CHAT: variants seen among roughly 807,000 people sequenced by gnomAD.
CHAT encodes acetyl CoA:choline O-acetyltransferase.
CHAT carries 61 observed loss-of-function variants against 76.9 expected under a neutral mutation model. The observed-to-expected ratio is 0.79, with a 90% CI of 0.65 to 0.98. The LOEUF (loss-of-function observed/expected upper bound fraction) is 0.98. CHAT is among the 50% of genes least tolerant of loss of function. The pLI is 0.00. For missense variants in CHAT, 946 were observed against 986.9 expected (o/e 0.96, Z 0.56); for synonymous variants, 407 against 397.4 (o/e 1.02, Z -0.29).
chr10:49,634,218 A>G (rs17784350), intron 7 of CHAT, among the ~76,000 whole-genome samples: 6,429 of 152,296 alleles, frequency 0.042, 288 homozygotes, highest in East Asian at 0.26. Flanking sequence ...GCCTGCCCTT[A>G]ACCTACCACG....
At chr10:49,639,074 A>G (rs1357050815) in intron 7 of CHAT, among the ~76,000 whole-genome samples, 1 of 152,120 alleles carries the variant, frequency 6.6e-6, no homozygotes, top group Non-Finnish European at 1.5e-5. Context: ...GTCTCTACTA[A>G]TAATACAAAA....
chr10:49,614,974 G>A (rs960965489), intron 1 of CHAT, among the ~76,000 whole-genome samples: 2 of 148,334 alleles, frequency 1.3e-5, no homozygotes, highest in African/African-American at 5.0e-5. Context: ...AGCCAGGCTG[G>A]CAGGAGCATG....
Position 49,651,008 on chromosome 10 carries a change from C to T in CHAT, c.1512-876C>T, listed in dbSNP as rs559643409. 3.2e-4 allele frequency among the ~76,000 whole-genome samples: 48 copies of T among 152,156 alleles called. 2 individuals carry two copies. In the South Asian group the frequency reaches 9.6e-3, roughly 30 times the overall value. ...CCACATTCCCCAAGGCCCCCAGCTC[C>T]ACCCTCCAGAGGCTGAGGAGAGCCA... On this transcript the variant is annotated intron_variant, in intron 10 of 14. Coordinates refer to ENST00000337653, the MANE Select transcript of CHAT (RefSeq NM_020549.5).
rs1400956665 is a variant in CHAT at position 49,614,331 on chromosome 10, G to C, written c.142G>C (p.Val48Leu). Residue 48 changes from valine to leucine, a missense_variant, in exon 1 of 15, where the codon GTC (valine) becomes CTC (leucine). Val to Leu is a conservative substitution (Grantham distance 32). Around this residue, in one of 3 missense-constraint regions of CHAT, gnomAD observed 548 missense variants for 516.2 expected, o/e 1.06. Coordinates refer to ENST00000337653, the MANE Select transcript of CHAT (RefSeq NM_020549.5). ...QSGGRGDPGD[V>L]GGPAGNPGCS... ...GGGTGGCCGCGGGGACCCGGGCGAC[G>C]TCGGAGGCCCTGCCGGGAACCCAGG... 2 of 1,547,530 alleles carry C rather than the reference G, an allele frequency of 1.3e-6. No homozygotes were observed. Among genetic ancestry groups the C allele is most frequent in the South Asian group, 2.4e-5 (2 of 83,902 alleles).
rs1412070695 is a variant in CHAT at position 49,627,726 on chromosome 10, G to A, written c.1052G>A (p.Gly351Asp). The part of the protein sequence containing the change: ...SNEDERLPPI[G>D]LLTSDGRSEW... ...GAGGACGAGCGTTTGCCTCCAATTG[G>A]CCTGCTGACGTCTGACGGGAGGAGC... is the stretch of plus-strand genomic sequence containing the variant. The change falls in exon 7 of 15, where the codon GGC (glycine) becomes GAC (aspartate). Residue 351 changes from glycine (G) to aspartate (D), a missense_variant. By Grantham distance (94) the Gly-to-Asp change is moderately conservative. Transcript: ENST00000337653. 6.2e-7 allele frequency: 1 copy of A among 1,614,116 alleles called. No individual in the cohort carries two copies. Among genetic ancestry groups the A allele is most frequent in the South Asian group, 1.1e-5 (1 of 91,076 alleles).
intron 7 of CHAT, among the ~76,000 whole-genome samples, chr10:49,636,231 A>ATT (rs1339695544): frequency 1.3e-5 from 2 of 152,158 alleles, no homozygotes; most frequent in Non-Finnish European, 2.9e-5. Flanking sequence ...TGGATGTTCA[A>ATT]TTTTGTCAAA....
chr10:49,647,337 T>C (rs1455211840), intron 8 of CHAT: 1 of 154,328 alleles, frequency 6.5e-6, no homozygotes, highest in Non-Finnish European at 1.4e-5. Context: ...ATTCCCATTC[T>C]GCCATCCTCC....
upstream of CHAT, among the ~76,000 whole-genome samples, chr10:49,613,473 G>A (rs932627674): frequency 5.9e-5 from 9 of 152,232 alleles, no homozygotes; most frequent in African/African-American, 2.2e-4. Context: ...CCCGAAGACC[G>A]TAGTCTGATG....
Position 49,655,406 on chromosome 10 carries a change from C to T in CHAT, c.1797C>T (p.Leu599=). 1.2e-6 allele frequency: 2 copies of T among 1,614,134 alleles called. No individual in the cohort carries two copies. The highest frequency in any genetic ancestry group is 1.7e-6 in the Non-Finnish European group (2 of 1,180,044). ...GACAGGCTTCTGAGAAGCTTCTGCT[C>T]CTGAAGGATGCCATCCGTGCCCAGA... The part of the protein sequence containing the change: ...AAVPASEKLL[L]LKDAIRAQTA... Residue 599 remains leucine, a synonymous_variant, in exon 13 of 15, where the codon CTC becomes CTT. Coordinates refer to ENST00000337653, the MANE Select transcript of CHAT (RefSeq NM_020549.5).
intron 1 of CHAT, among the ~76,000 whole-genome samples, chr10:49,616,251 A>C (rs942472770): frequency 1.3e-5 from 2 of 152,176 alleles, no homozygotes; most frequent in African/African-American, 2.4e-5. Context: ...GGGTGACAAC[A>C]GACTCATGAG....
upstream of CHAT, chr10:49,612,217 C>CT (rs1319904755): frequency 1.2e-6 from 2 of 1,609,086 alleles, no homozygotes; most frequent in Non-Finnish European, 1.7e-6. Context: ...ACCGCAAGGT[C>CT]TGTACGATGC....
chr10:49,651,703 T>G, intron 10 of CHAT, 181 bp from the exon 11 acceptor site: 2 of 621,388 alleles, frequency 3.2e-6, no homozygotes, highest in South Asian at 3.9e-5. Flanking sequence ...GTTTGTCTTC[T>G]GACACTTTCA....
At chr10:49,624,980 T>C (rs895950139) in intron 5 of CHAT, among the ~76,000 whole-genome samples, 12 of 151,150 alleles carry the variant, frequency 7.9e-5, no homozygotes, top group African/African-American at 2.9e-4. Flanking sequence ...GATGGATAGA[T>C]GGATGGGTGG....
intron 10 of CHAT, among the ~76,000 whole-genome samples, chr10:49,650,599 A>G (rs1336801666): frequency 6.6e-6 from 1 of 152,198 alleles, no homozygotes; most frequent in African/African-American, 2.4e-5. Flanking sequence ...GAGTGGGGCC[A>G]CAAAAAGGAA....
chr10:49,647,386 G>T (rs1274373712), intron 8 of CHAT, among the ~76,000 whole-genome samples: 5 of 152,110 alleles, frequency 3.3e-5, no homozygotes, highest in Non-Finnish European at 7.4e-5. Flanking sequence ...ACCTAGTCTT[G>T]TTTATTTTAA....
At chr10:49,613,202 TG>T (rs1395064178), upstream of CHAT, 1 of 152,128 alleles carries the variant, frequency 6.6e-6, no homozygotes, top group Non-Finnish European at 1.5e-5. Flanking sequence ...CCTCTGGAAA[TG>T]TGTGTATGAT....
intron 7 of CHAT, among the ~76,000 whole-genome samples, chr10:49,631,563 G>A (rs1295443075): frequency 1.3e-5 from 2 of 152,204 alleles, no homozygotes; most frequent in African/African-American, 2.4e-5. Context: ...GACAGACAGG[G>A]TAAATGACAG....
rs1201806934 is a variant in CHAT at position 49,666,205 on chromosome 10, A to C, written c.*1159A>C. Among the ~76,000 whole-genome samples, 1 of 152,002 alleles carries C rather than the reference A, an allele frequency of 6.6e-6. No individual in the cohort carries two copies. The highest frequency in any genetic ancestry group is 1.5e-5 in the Non-Finnish European group (1 of 68,010). On this transcript the variant is annotated 3_prime_UTR_variant, in exon 15 of 15. Transcript: ENST00000337653. ...GCTGGCAGGGAGCAGGGCTGGGAGG[A>C]GGGCACAGCCTCCTCCAGAGTCAGC... is the stretch of plus-strand genomic sequence containing the variant.
At chr10:49,631,558 A>G (rs1232207488) in intron 7 of CHAT, among the ~76,000 whole-genome samples, 1 of 152,216 alleles carries the variant, frequency 6.6e-6, no homozygotes, top group Non-Finnish European at 1.5e-5. Flanking sequence ...GAAGTGACAG[A>G]CAGGGTAAAT....
Sources: allele counts gnomAD v4.1 joint callset (sites outside exome capture counted in the v4.1 genomes callset), GRCh38; gene constraint gnomAD v4.1.1; regional missense constraint gnomAD v4.1.1; transcripts MANE v1.5; gene names NCBI Gene and HGNC (gene_info 2026-07-23, HGNC 2026-07-21).